CCDC73: variants seen among roughly 807,000 people sequenced by gnomAD.
The protein encoded by CCDC73 is coiled-coil domain-containing protein 73.
Under a neutral mutation model 116.5 loss-of-function variants are expected in CCDC73, and 95 were observed. The ratio of observed to expected loss-of-function variants is 0.82; its 90% CI spans 0.69 to 0.97. The LOEUF (loss-of-function observed/expected upper bound fraction) is 0.97. CCDC73 is among the 50% of genes least tolerant of loss of function. CCDC73 has a pLI of 0.00. For synonymous variants in CCDC73, 398 were observed against 401.3 expected (o/e 0.99, Z 0.10); for missense variants, 1,066 against 1,206.8 (o/e 0.88, Z 1.73).
chr11:32,658,737 T>C lies in CCDC73; in HGVS notation c.646-3765A>G, dbSNP rs1340193611. 2.6e-5 allele frequency among the ~76,000 whole-genome samples: 4 copies of C among 152,088 alleles called. No homozygotes were observed. The South Asian group carries it at 8.3e-4, about 32-fold the overall frequency. Reference sequence around the variant, plus strand: ...ATCCAGGCATGAGATGATGAGTGTCTATAGTATTGAAAAATGGAAAGTAAA... The same window carrying C: ...ATCCAGGCATGAGATGATGAGTGTCCATAGTATTGAAAAATGGAAAGTAAA... On this transcript the variant is annotated intron_variant, in intron 9 of 17. Transcript: ENST00000335185.
chr11:32,676,522 C>T (rs1264602543), intron 7 of CCDC73, among the ~76,000 whole-genome samples: 4 of 152,250 alleles, frequency 2.6e-5, no homozygotes, highest in African/African-American at 9.6e-5. Flanking sequence ...AATATAGTAC[C>T]TTCTCACTGC....
At chr11:32,694,170 C>T (rs190665913) in intron 6 of CCDC73, among the ~76,000 whole-genome samples, 18 of 152,284 alleles carry the variant, frequency 1.2e-4, no homozygotes, top group African/African-American at 4.1e-4. Flanking sequence ...AAAACCCCAT[C>T]GTCTCAGCCC....
intron 1 of CCDC73, among the ~76,000 whole-genome samples, chr11:32,768,508 G>C (rs73473829): frequency 1.0e-3 from 158 of 151,962 alleles, no homozygotes; most frequent in African/African-American, 3.5e-3. Flanking sequence ...AGAAAGCAAA[G>C]AGGAAAAAAA....
chr11:32,830,195 C>A, the CCDC73 span: 1 of 1,063,586 alleles, frequency 9.4e-7, no homozygotes, highest in African/African-American at 1.7e-5. Flanking sequence ...GGCGGCAGGA[C>A]CTCGGCGGGG....
Position 32,724,995 on chromosome 11 carries a change from T to A in CCDC73, c.136-6848A>T, listed in dbSNP as rs1366976409. 4.6e-5 allele frequency among the ~76,000 whole-genome samples: 7 copies of A among 152,296 alleles called. 1 individual carries two copies. The highest frequency in any genetic ancestry group is 3.9e-4 in the Admixed American group (6 of 15,296). The stretch of plus-strand genomic sequence containing the variant: ...TCATTATAAATTTTAAACATTCAAT[T>A]TTTTTCAAATATTATCATTACCATT... On this transcript the variant is annotated intron_variant, in intron 2 of 17. Coordinates refer to ENST00000335185, the MANE Select transcript of CCDC73 (RefSeq NM_001008391.4).
Position 32,613,494 on chromosome 11 carries a change from T to C in CCDC73, c.2824A>G (p.Asn942Asp). 1 of 1,614,150 alleles carries C rather than the reference T, an allele frequency of 6.2e-7. No homozygotes were observed. ...LKERPLDPSE[N>D]KKIISMALCK... ...AGAGCCATTGAAATGATCTTTTTGT[T>C]TTCTGATGGATCTAGTGGTCTCTCC... The change falls in exon 16 of 18, where the codon AAC (asparagine) becomes GAC (aspartate). Residue 942 changes from asparagine to aspartate, a missense_variant. Asn to Asp is a conservative substitution (Grantham distance 23, BLOSUM62 1). Coordinates refer to ENST00000335185, the MANE Select transcript of CCDC73 (RefSeq NM_001008391.4).
At chr11:32,758,330 G>A (rs556025135) in intron 2 of CCDC73, 68 of 503,914 alleles carry the variant, frequency 1.3e-4, no homozygotes, top group Admixed American at 7.9e-4. Context: ...ACAAAACTAG[G>A]CTGTCCCAAA....
chr11:32,676,250 GT>G (rs1856088121), intron 7 of CCDC73, among the ~76,000 whole-genome samples: 1 of 152,074 alleles, frequency 6.6e-6, no homozygotes, highest in East Asian at 1.9e-4. Flanking sequence ...TAGCAAAATA[GT>G]CACTTCAGGT....
Position 32,650,147 on chromosome 11 carries a change from TA to T in CCDC73, c.939+2975del, listed in dbSNP as rs59456437. 8.1e-3 allele frequency among the ~76,000 whole-genome samples: 1,233 copies of T among 152,310 alleles called. 16 individuals are homozygous for T. The highest frequency in any genetic ancestry group is 0.027 in the African/African-American group (1,103 of 41,584). The stretch of plus-strand genomic sequence containing the variant: ...TTCAGCAGTATGTAAGTACTGGATT[TA>T]GAGCTCATGAAGGGGCAAGTTAAGA... On this transcript the variant is annotated intron_variant, in intron 12 of 17. Transcript: ENST00000335185.
intron 9 of CCDC73, among the ~76,000 whole-genome samples, chr11:32,660,480 A>G (rs1385089978): frequency 2.0e-5 from 3 of 151,904 alleles, no homozygotes; most frequent in East Asian, 1.9e-4. Flanking sequence ...TTTTATATTT[A>G]TTATACATAT....
intron 3 of CCDC73, among the ~76,000 whole-genome samples, chr11:32,711,641 G>A (rs146405590): frequency 6.6e-6 from 1 of 152,148 alleles, no homozygotes; most frequent in East Asian, 1.9e-4. Context: ...AGGGATAAAA[G>A]AATACACACT....
rs1294420687 is a variant in CCDC73, at chr11:32,698,010, AATTTT to A, written c.390+1236_390+1240del. 2.2e-3 allele frequency among the ~76,000 whole-genome samples: 256 copies of A among 117,724 alleles called. 30 individuals carry two copies. The highest frequency in any genetic ancestry group is 8.3e-3 in the African/African-American group (248 of 29,942). The allele number at this position is 117,724 out of a possible 152,430, so 77.2% of individuals were successfully genotyped here. A position where few individuals can be genotyped will look rare whatever the true frequency, so the allele number is the denominator to read the frequency against. On this transcript the variant is annotated intron_variant, in intron 6 of 17. Coordinates refer to ENST00000335185, the MANE Select transcript of CCDC73 (RefSeq NM_001008391.4). ...TCTGTTGTTTCTTTGTCTAACACTG[AATTTT>A]TTTTTTTTTTTTTTTTTTTTTTTTT...
chr11:32,687,612 A>G (rs1856213478), intron 6 of CCDC73, among the ~76,000 whole-genome samples: 1 of 137,960 alleles, frequency 7.2e-6, no homozygotes, highest in Admixed American at 7.7e-5. Context: ...CAATATACAT[A>G]CATAGATTGA....
intron 2 of CCDC73, among the ~76,000 whole-genome samples, chr11:32,727,220 T>C (rs1175403567): frequency 1.3e-5 from 2 of 152,246 alleles, no homozygotes; most frequent in Non-Finnish European, 2.9e-5. Context: ...TTGATATTCA[T>C]GTGAATCACT....
chr11:32,786,279 CT>C (rs1850625512), intron 1 of CCDC73, among the ~76,000 whole-genome samples: 1 of 149,664 alleles, frequency 6.7e-6, no homozygotes, highest in Non-Finnish European at 1.5e-5. Flanking sequence ...TACTAATGAA[CT>C]TTTGTAAGTA....
At chr11:32,613,148 T>C (rs534829579) in intron 16 of CCDC73, among the ~76,000 whole-genome samples, 1 of 152,128 alleles carries the variant, frequency 6.6e-6, no homozygotes, top group African/African-American at 2.4e-5. Flanking sequence ...AAAGACAACA[T>C]AGGAGAGAAA....
chr11:32,728,165 T>C (rs1565086240), intron 2 of CCDC73, among the ~76,000 whole-genome samples: 1 of 151,978 alleles, frequency 6.6e-6, no homozygotes, highest in African/African-American at 2.4e-5. Context: ...GTAGGAGGAT[T>C]GCTTAAGCCC....
intron 2 of CCDC73, among the ~76,000 whole-genome samples, chr11:32,738,342 T>G (rs1850154276): frequency 6.6e-6 from 1 of 152,200 alleles, no homozygotes; most frequent in East Asian, 1.9e-4. Context: ...GGTTCTCTTT[T>G]CTCCATATCC....
chr11:32,675,363 T>A (rs895208453), intron 9 of CCDC73, among the ~76,000 whole-genome samples: 6 of 152,164 alleles, frequency 3.9e-5, no homozygotes, highest in Non-Finnish European at 8.8e-5. Context: ...TGGTCACAAG[T>A]CAAAGAAATA....
Sources: allele counts gnomAD v4.1 joint callset (sites outside exome capture counted in the v4.1 genomes callset), GRCh38; gene constraint gnomAD v4.1.1; transcripts MANE v1.5; gene names NCBI Gene and HGNC (gene_info 2026-07-23, HGNC 2026-07-21).